ERC2: variants seen among roughly 807,000 people sequenced by gnomAD.
ERC2 encodes ERC protein 2.
In ERC2, 42 loss-of-function variants were observed where a neutral mutation model predicts 114.8. The ratio of observed to expected loss-of-function variants is 0.37; its 90% confidence interval spans 0.29 to 0.47. The LOEUF (loss-of-function observed/expected upper bound fraction) is 0.47. Among genes scored for constraint, ERC2 ranks in the 20% least tolerant of loss-of-function variants. The pLI is 0.99. For synonymous variants in ERC2, 454 were observed against 425.5 expected (o/e 1.07, Z -0.82); for missense variants, 939 against 1,150.7 (o/e 0.82, Z 2.66).
chr3:55,730,758 G>A (rs2065205331), intron 15 of ERC2, among the ~76,000 whole-genome samples: 2 of 152,194 alleles, frequency 1.3e-5, no homozygotes. Flanking sequence ...TGCTGAGGTG[G>A]GAGGATCACT....
chr3:55,596,448 A>G (rs2058139821), intron 17 of ERC2, among the ~76,000 whole-genome samples: 1 of 151,992 alleles, frequency 6.6e-6, no homozygotes, highest in Non-Finnish European at 1.5e-5. Context: ...GCATGGTGAC[A>G]TATGCCTGTG....
At chr3:55,551,469 G>A (rs1314879996) in intron 17 of ERC2, among the ~76,000 whole-genome samples, 11 of 152,150 alleles carry the variant, frequency 7.2e-5, no homozygotes, top group Non-Finnish European at 1.6e-4. Flanking sequence ...GTTGCAGTGA[G>A]TTTTCACGGT....
intron 17 of ERC2, among the ~76,000 whole-genome samples, chr3:55,678,701 T>C (rs912669242): frequency 2.0e-5 from 3 of 152,112 alleles, no homozygotes; most frequent in African/African-American, 7.2e-5. Flanking sequence ...ACAGCCAAGG[T>C]CAAAAGCCTG....
chr3:56,131,105 T>C (rs959075728), intron 6 of ERC2, among the ~76,000 whole-genome samples: 5 of 152,190 alleles, frequency 3.3e-5, no homozygotes, highest in East Asian at 1.9e-4. Flanking sequence ...ATAACGACTA[T>C]GGTTCCCAAC....
At chr3:56,151,739 T>G (rs1184657437) in intron 4 of ERC2, among the ~76,000 whole-genome samples, 2 of 152,288 alleles carry the variant, frequency 1.3e-5, no homozygotes, top group African/African-American at 4.8e-5. Flanking sequence ...ACTATGGAAG[T>G]CCATATCAAG....
chr3:56,224,206 G>A (rs1251371463), intron 3 of ERC2, among the ~76,000 whole-genome samples: 8 of 152,294 alleles, frequency 5.3e-5, no homozygotes, highest in African/African-American at 1.9e-4. Context: ...TCATTTATAA[G>A]GGAATGTGGT....
At chr3:55,714,678 T>TGTATATATATATACAC (rs58346867) in intron 15 of ERC2, among the ~76,000 whole-genome samples, 1,118 of 8,006 alleles carry the variant, frequency 0.14, 21 homozygotes, top group Middle Eastern at 0.22. Context: ...TATATATATA[T>TGTATATATATATACAC]ATATATATAT....
intron 2 of ERC2, among the ~76,000 whole-genome samples, chr3:56,311,235 CTCTCTCTCTCTCTCTCTCTCTATA>C (rs1219293030): frequency 1.1e-3 from 18 of 15,960 alleles, no homozygotes; most frequent in Admixed American, 5.4e-3. Context: ...ATCATCTTCT[CTCTCTCTCTCTCTCTCTCTCTATA>C]TATATATATA....
At chr3:56,006,956 T>C (rs143429249) in intron 10 of ERC2, among the ~76,000 whole-genome samples, 5 of 152,226 alleles carry the variant, frequency 3.3e-5, no homozygotes, top group African/African-American at 1.2e-4. Context: ...TATTTTGATC[T>C]ATTTTTCAAG....
chr3:55,533,516 A>T (rs2053799999), intron 17 of ERC2, among the ~76,000 whole-genome samples: 1 of 152,210 alleles, frequency 6.6e-6, no homozygotes, highest in Non-Finnish European at 1.5e-5. Flanking sequence ...TCATAGTTCC[A>T]TCCAAACCCC....
At chr3:56,077,211 T>C (rs981763188) in intron 7 of ERC2, among the ~76,000 whole-genome samples, 7 of 152,234 alleles carry the variant, frequency 4.6e-5, no homozygotes, top group African/African-American at 1.7e-4. Context: ...CTAAATCATA[T>C]GCATCACTTC....
intron 6 of ERC2, among the ~76,000 whole-genome samples, chr3:56,118,115 G>T (rs2079352223): frequency 6.6e-6 from 1 of 152,182 alleles, no homozygotes; most frequent in Admixed American, 6.5e-5. Flanking sequence ...TTACAATCCT[G>T]GTCTGCCACT....
intron 2 of ERC2, among the ~76,000 whole-genome samples, chr3:56,336,447 C>G (rs913018998): frequency 6.6e-6 from 1 of 152,082 alleles, no homozygotes; most frequent in Non-Finnish European, 1.5e-5. Flanking sequence ...GCTATCATGA[C>G]GATGAATGGG....
chr3:55,601,147 G>A (rs1417834569), intron 17 of ERC2, among the ~76,000 whole-genome samples: 6 of 152,168 alleles, frequency 3.9e-5, no homozygotes. Flanking sequence ...GATTGCTGGG[G>A]CAATCTCGTG....
chr3:55,538,492 G>C (rs1168397741), intron 17 of ERC2, among the ~76,000 whole-genome samples: 2 of 152,246 alleles, frequency 1.3e-5, no homozygotes, highest in Admixed American at 1.3e-4. Flanking sequence ...GTTGGAGTTT[G>C]CTGCGCTAAA....
intron 6 of ERC2, among the ~76,000 whole-genome samples, chr3:56,082,421 A>T (rs1396851609): frequency 6.6e-6 from 1 of 152,024 alleles, no homozygotes; most frequent in African/African-American, 2.4e-5. Context: ...CAGCCTCTGT[A>T]ACTGTAAGAC....
intron 17 of ERC2, among the ~76,000 whole-genome samples, chr3:55,531,543 C>T (rs1371359882): frequency 6.6e-6 from 1 of 152,182 alleles, no homozygotes; most frequent in Admixed American, 6.5e-5. Context: ...AGCAGAATGT[C>T]AGAGCACAGA....
intron 6 of ERC2, among the ~76,000 whole-genome samples, chr3:56,126,319 A>C (rs550879784): frequency 6.6e-6 from 1 of 152,368 alleles, no homozygotes; most frequent in East Asian, 1.9e-4. Flanking sequence ...AATAGAGGTG[A>C]TACATCATGT....
At chr3:56,345,249 G>A (rs888699510) in intron 2 of ERC2, among the ~76,000 whole-genome samples, 2 of 152,148 alleles carry the variant, frequency 1.3e-5, no homozygotes, top group African/African-American at 4.8e-5. Flanking sequence ...TGCCTTTAAT[G>A]TGTTTTGTTC....
Sources: allele counts gnomAD v4.1 joint callset (sites outside exome capture counted in the v4.1 genomes callset), GRCh38; gene constraint gnomAD v4.1.1; transcripts MANE v1.5; gene names NCBI Gene and HGNC (gene_info 2026-07-23, HGNC 2026-07-21).